Variants in EIF2D observed in about 807,000 individuals in gnomAD.
EIF2D encodes hepatocellular carcinoma-associated antigen 56.
Under a neutral mutation model 77.4 loss-of-function variants are expected in EIF2D, and 56 were observed. The ratio of observed to expected loss-of-function variants is 0.72; its 90% CI spans 0.58 to 0.90. The LOEUF (loss-of-function observed/expected upper bound fraction) is 0.90. Among genes scored for constraint, EIF2D ranks in the 40% least tolerant of loss-of-function variants. The pLI is 0.00. For missense variants in EIF2D, 574 were observed against 706.5 expected (o/e 0.81, Z 2.13); for synonymous variants, 230 against 271.0 (o/e 0.85, Z 1.49).
chr1:206,597,262 G>C (rs886476770), intron 11 of EIF2D, 67 bp from the exon 12 acceptor site: 91 of 1,228,008 alleles, frequency 7.4e-5, no homozygotes, highest in Non-Finnish European at 1.0e-4. Flanking sequence ...GGCTAATTCA[G>C]GATTCATCTC....
rs1669799006 is a variant in EIF2D at position 206,599,169 on chromosome 1, C to T, written c.1203-77G>A. 12 of 1,397,960 alleles carry T rather than the reference C, an allele frequency of 8.6e-6. 1 individual carries two copies. In the Admixed American group the frequency reaches 2.1e-4, roughly 24 times the overall value. 86.6% of individuals were successfully genotyped at this position (1,397,960 alleles called of 1,614,324 possible). On this transcript the variant is annotated intron_variant, in intron 10 of 14. Transcript: ENST00000271764. This position sits in a 1 kb window ranked among gnomAD's most constrained non-coding sequence, Gnocchi z 4.1. ...AAAATGCAGATGCCCAGACTCACTC[C>T]CTGCTGAGCAGGGAACTTTCCTTAG...
chr1:206,604,181 G>T (rs534635532), intron 5 of EIF2D, among the ~76,000 whole-genome samples: 4 of 151,332 alleles, frequency 2.6e-5, no homozygotes, highest in Admixed American at 1.3e-4. Context: ...GGTGGCTCAC[G>T]CCTGTAATCT....
intron 3 of EIF2D, 82 bp from the exon 4 acceptor site, chr1:206,608,408 C>A: frequency 8.6e-7 from 1 of 1,168,038 alleles, no homozygotes; most frequent in Non-Finnish European, 1.2e-6. Flanking sequence ...CTCACTCGCT[C>A]AACAAAAAAA....
intron 2 of EIF2D, chr1:206,586,639 T>C: frequency 3.4e-6 from 2 of 587,372 alleles, no homozygotes; most frequent in Non-Finnish European, 6.1e-6. Context: ...GCATTTGGAA[T>C]TTTGTTGCTG....
Position 206,599,205 on chromosome 1 carries a change from C to A in EIF2D, c.1203-113G>T. On this transcript the variant is annotated intron_variant, in intron 10 of 14. Transcript: ENST00000271764. This position sits in a 1 kb window ranked among gnomAD's most constrained non-coding sequence, Gnocchi z 4.1. ...GGGAACTTTCCTTAGCTTTCGGCCT[C>A]TAGTTTCTTCCCTTTTCCTGACTGA... 1 of 1,050,324 alleles carries A rather than the reference C, an allele frequency of 9.5e-7. No individual in the cohort carries two copies. Among genetic ancestry groups the A allele is most frequent in the Non-Finnish European group, 1.4e-6 (1 of 713,836 alleles). 65.1% of individuals were successfully genotyped at this position (1,050,324 alleles called of 1,614,324 possible).
At chr1:206,602,906 A>C (rs1669995266) in intron 6 of EIF2D, 45 bp downstream of exon 6, 3 of 1,600,036 alleles carry the variant, frequency 1.9e-6, no homozygotes, top group African/African-American at 2.7e-5. Context: ...CAGGCTCCTA[A>C]ATTGAGAGGT....
intron 1 of EIF2D, 95 bp from the exon 2 acceptor site, chr1:206,611,469 G>A (rs888920262): frequency 9.9e-7 from 1 of 1,010,096 alleles, no homozygotes; most frequent in South Asian, 1.7e-5. Context: ...AAAATCACAA[G>A]GGCCAAAGAA....
downstream of EIF2D, chr1:206,586,743 G>A: frequency 3.9e-6 from 4 of 1,038,516 alleles, no homozygotes; most frequent in Non-Finnish European, 5.8e-6. Context: ...GAAGGGGAAG[G>A]CAGCAGGGTC....
At chr1:206,587,246 A>C, downstream of EIF2D, 1 of 420,704 alleles carries the variant, frequency 2.4e-6, no homozygotes, top group South Asian at 2.1e-5. Flanking sequence ...TCGATCTGCA[A>C]GCCTTTCACC....
chr1:206,587,463 G>A (rs1669164917), downstream of EIF2D: 3 of 201,540 alleles, frequency 1.5e-5, no homozygotes, highest in South Asian at 2.3e-4. Context: ...CTGAAAGCAG[G>A]GTAATGCTCA....
At chr1:206,578,233 A>AGAGTGTGT (rs782121565) in intron 4 of EIF2D, among the ~76,000 whole-genome samples, 1 of 117,494 alleles carries the variant, frequency 8.5e-6, no homozygotes, top group Non-Finnish European at 1.9e-5. Context: ...AAAAAAAAAA[A>AGAGTGTGT]GTGTGTGTGT....
Position 206,611,276 on chromosome 1 carries a change from T to C in EIF2D, c.155A>G (p.Lys52Arg), listed in dbSNP as rs1553413936. 6.2e-7 allele frequency: 1 copy of C among 1,614,218 alleles called. No individual in the cohort carries two copies. The highest frequency in any genetic ancestry group is 1.7e-5 in the Admixed American group (1 of 60,024). Residue 52 changes from lysine (K) to arginine (R), a missense_variant, in exon 2 of 15, where the codon AAG becomes AGG. Lys to Arg is a conservative substitution (Grantham distance 26). Coordinates refer to ENST00000271764, the MANE Select transcript of EIF2D (RefSeq NM_006893.3). ...VPGKEELNIV[K>R]LYAHKGDAVT... is the part of the protein sequence containing the mutation. The stretch of plus-strand genomic sequence containing the variant: ...TGCATCCCCTTTGTGAGCATACAAC[T>C]TCACAATGTTGAGCTCCTCCTTTCC...
rs1558537386 is a variant in EIF2D, at chr1:206,603,018, T to C, written c.717A>G (p.Ser239=). 4.3e-6 allele frequency: 7 copies of C among 1,614,044 alleles called. No individual in the cohort carries two copies. In the Admixed American group the frequency reaches 6.7e-5, roughly 15 times the overall value. The part of the protein sequence containing the change: ...VHQAREDKSL[S]EAPEDTSTRG... ...TGGTGCTGGTGTCTTCTGGGGCTTC[T>C]GAGAGAGACTTGTCTTCACGTGCCT... The change falls in exon 6 of 15, where the codon TCA becomes TCG. Residue 239 remains serine (S), a synonymous_variant. Coordinates refer to ENST00000271764, the MANE Select transcript of EIF2D (RefSeq NM_006893.3).
chr1:206,600,327 G>A lies in EIF2D; in HGVS notation c.903-19C>T, dbSNP rs1476520805. 6.2e-7 allele frequency: 1 copy of A among 1,612,816 alleles called. No individual in the cohort carries two copies. Among genetic ancestry groups the A allele is most frequent in the Non-Finnish European group, 8.5e-7 (1 of 1,179,152 alleles). Reference sequence around the variant, plus strand: ...TTCGGGGCTGATGGCAGATGGAAAAGGCAAATTAAACTAATGAGCAGTCAT... The same window carrying A: ...TTCGGGGCTGATGGCAGATGGAAAAAGCAAATTAAACTAATGAGCAGTCAT... On this transcript the variant is annotated intron_variant, in intron 7 of 14. Coordinates refer to ENST00000271764, the MANE Select transcript of EIF2D (RefSeq NM_006893.3).
At chr1:206,580,011 C>T (rs1230762761) in intron 4 of EIF2D, among the ~76,000 whole-genome samples, 3 of 152,176 alleles carry the variant, frequency 2.0e-5, no homozygotes, top group Non-Finnish European at 4.4e-5. Context: ...CCTGGCACTC[C>T]CAGACAGGGC....
chr1:206,593,765 T>C lies in EIF2D; in HGVS notation c.1538A>G (p.Tyr513Cys), dbSNP rs1553409507. Reference sequence around the variant, plus strand: ...AGCCACTGAGTATGGGTCCAGACCATAGGCCTCCAAGTTCCGGACCACGGT... The same window carrying C: ...AGCCACTGAGTATGGGTCCAGACCACAGGCCTCCAAGTTCCGGACCACGGT... ...KVTVVRNLEAYGLDPYSVAAI... is the reference protein window; with the variant it reads ...KVTVVRNLEACGLDPYSVAAI... Residue 513 changes from tyrosine (Y) to cysteine (C), a missense_variant, in exon 14 of 15, where the codon TAT becomes TGT. Tyr to Cys is a radical substitution (Grantham distance 194). Coordinates refer to ENST00000271764, the MANE Select transcript of EIF2D (RefSeq NM_006893.3). The C allele has an allele frequency of 5.0e-6, 8 of 1,604,664 alleles. No homozygotes were observed. Among genetic ancestry groups the C allele is most frequent in the Admixed American group, 1.7e-5 (1 of 59,606 alleles).
At chr1:206,577,649 G>C (rs143743124) in intron 4 of EIF2D, among the ~76,000 whole-genome samples, 3 of 152,302 alleles carry the variant, frequency 2.0e-5, no homozygotes, top group Non-Finnish European at 2.9e-5. Flanking sequence ...TGGGATCTGG[G>C]ACACCATAGA....
intron 2 of EIF2D, 120 bp from the exon 3 acceptor site, chr1:206,609,579 T>G: frequency 1.3e-6 from 1 of 792,756 alleles, no homozygotes; most frequent in Non-Finnish European, 2.0e-6. Flanking sequence ...AACTCAAAGC[T>G]AAAGAGAAGG....
At chr1:206,600,459 A>G in intron 7 of EIF2D, 151 bp from the exon 8 acceptor site, 1 of 664,794 alleles carries the variant, frequency 1.5e-6, no homozygotes, top group Non-Finnish European at 2.6e-6. Context: ...GGATGACAGC[A>G]GAGAGGGATG....
Sources: allele counts gnomAD v4.1 joint callset (sites outside exome capture counted in the v4.1 genomes callset), GRCh38; gene constraint gnomAD v4.1.1; non-coding constraint Gnocchi (gnomAD v3.1); transcripts MANE v1.5; gene names NCBI Gene and HGNC (gene_info 2026-07-23, HGNC 2026-07-21).